The following MAST2 variants were observed in gnomAD, a reference collection of about 807,000 sequenced individuals.
MAST2 encodes the protein microtubule associated serine/threonine kinase 2.
A neutral mutation model predicts 147.4 loss-of-function variants in MAST2; 70 were observed. The observed-to-expected ratio is 0.47, with a 90% CI of 0.39 to 0.58. The LOEUF (loss-of-function observed/expected upper bound fraction) is 0.58. Among genes scored for constraint, MAST2 ranks in the 20% least tolerant of loss-of-function variants. MAST2 has a pLI of 0.00. For missense variants in MAST2, 2,080 were observed against 2,302.3 expected (o/e 0.90, Z 1.98); for synonymous variants, 869 against 896.8 (o/e 0.97, Z 0.55).
chr1:45,837,637 C>T (rs1645142221), intron 3 of MAST2, among the ~76,000 whole-genome samples: 1 of 152,042 alleles, frequency 6.6e-6, no homozygotes, highest in African/African-American at 2.4e-5. Flanking sequence ...CGGGTAAATA[C>T]CTAGGAATGA....
chr1:45,815,063 G>A (rs953283061), intron 1 of MAST2, among the ~76,000 whole-genome samples: 12 of 152,174 alleles, frequency 7.9e-5, no homozygotes, highest in Non-Finnish European at 1.8e-4. Flanking sequence ...TTCCTTAAGA[G>A]TGAACCTGAG....
chr1:45,911,301 C>T (rs1276969900), intron 4 of MAST2, among the ~76,000 whole-genome samples: 2 of 152,090 alleles, frequency 1.3e-5, no homozygotes, highest in Non-Finnish European at 2.9e-5. Context: ...GTAATATCTT[C>T]TTTGGTCAGA....
At chr1:45,858,720 T>C (rs1391398617) in intron 3 of MAST2, among the ~76,000 whole-genome samples, 5 of 149,904 alleles carry the variant, frequency 3.3e-5, no homozygotes, top group Non-Finnish European at 5.9e-5. Context: ...TTGCCTAGGT[T>C]TTCTTCTAGG....
chr1:45,994,845 T>TG (rs1644992954), intron 5 of MAST2, among the ~76,000 whole-genome samples: 3 of 151,642 alleles, frequency 2.0e-5, no homozygotes, highest in Non-Finnish European at 1.5e-5. Flanking sequence ...CCATAATTTT[T>TG]TTTTTTTTTT....
intron 4 of MAST2, among the ~76,000 whole-genome samples, chr1:45,912,888 T>G (rs1299326864): frequency 6.6e-6 from 1 of 152,234 alleles, no homozygotes; most frequent in Non-Finnish European, 1.5e-5. Context: ...GGCACTTTGC[T>G]GTTTACATGT....
intron 3 of MAST2, among the ~76,000 whole-genome samples, chr1:45,873,758 C>T (rs1004789837): frequency 6.6e-6 from 1 of 152,134 alleles, no homozygotes; most frequent in African/African-American, 2.4e-5. Context: ...TATCATCAAG[C>T]TGTTCATCAA....
chr1:46,002,962 G>C, intron 7 of MAST2, 79 bp downstream of exon 7: 1 of 1,403,988 alleles, frequency 7.1e-7, no homozygotes, highest in Non-Finnish European at 1.0e-6. Flanking sequence ...GTCACAAAAT[G>C]GTTCTCAACT....
At chr1:45,970,650 A>G (rs2148986293) in intron 5 of MAST2, among the ~76,000 whole-genome samples, 1 of 142,488 alleles carries the variant, frequency 7.0e-6, no homozygotes, top group South Asian at 2.4e-4. Flanking sequence ...CCTGGGCAAC[A>G]GAGGAAGACT....
intron 3 of MAST2, among the ~76,000 whole-genome samples, chr1:45,847,777 C>T (rs929402745): frequency 2.0e-5 from 3 of 152,032 alleles, no homozygotes; most frequent in African/African-American, 7.3e-5. Flanking sequence ...TGGTCTCGAA[C>T]TCCTGGGTTC....
At chr1:45,879,425 T>C (rs1646744715) in intron 3 of MAST2, among the ~76,000 whole-genome samples, 1 of 151,840 alleles carries the variant, frequency 6.6e-6, no homozygotes, top group Non-Finnish European at 1.5e-5. Flanking sequence ...ATATAAAAAT[T>C]AGCTGGGCAT....
chr1:45,917,218 G>A (rs1352170524), intron 4 of MAST2: 2 of 462,792 alleles, frequency 4.3e-6, no homozygotes, highest in Non-Finnish European at 7.2e-6. Flanking sequence ...ATTGGAGAAT[G>A]ATTTTTGACC....
In MAST2 at chr1:45,824,584, A is replaced by G; in HGVS notation, c.325+4A>G. On this transcript the variant is annotated splice_donor_region_variant and intron_variant, in intron 2 of 28. Transcript: ENST00000361297. ...AACCTGGCCAGCTCTCTATCGGGTAAATATCTGATTTTGTTGTTTTAAGAA... is the reference window on the plus strand; with the variant it reads ...AACCTGGCCAGCTCTCTATCGGGTAGATATCTGATTTTGTTGTTTTAAGAA... The G allele has an allele frequency of 1.3e-6, 2 of 1,576,306 alleles. No individual in the cohort carries two copies. The highest frequency in any genetic ancestry group is 1.7e-6 in the Non-Finnish European group (2 of 1,157,468).
Position 46,031,435 on chromosome 1 carries a change from G to A in MAST2, c.3037G>A (p.Ala1013Thr). ...GRGTSQLAEG[A>T]TAKAISDLAV... is the part of the protein sequence containing the mutation. ...TGGGACCTCACAGCTGGCTGAGGGA[G>A]CCACAGCCAAGGCCATCAGTGACCT... is the stretch of plus-strand genomic sequence containing the variant. The change falls in exon 24 of 29, where the codon GCC becomes ACC. Residue 1013 changes from alanine to threonine, a missense_variant. Ala to Thr is a moderately conservative substitution (Grantham distance 58). Coordinates refer to ENST00000361297, the MANE Select transcript of MAST2 (RefSeq NM_015112.3). This position sits in a 1 kb window ranked among gnomAD's most constrained non-coding sequence, Gnocchi z 4.1. The A allele has an allele frequency of 6.2e-7, 1 of 1,613,956 alleles. No individual in the cohort carries two copies. The highest frequency in any genetic ancestry group is 1.1e-5 in the South Asian group (1 of 91,076).
At chr1:46,022,496 G>C (rs1353666536) in intron 12 of MAST2, among the ~76,000 whole-genome samples, 2 of 152,158 alleles carry the variant, frequency 1.3e-5, no homozygotes, top group African/African-American at 4.8e-5. Flanking sequence ...TGGGCTTCCT[G>C]CTGAACCCCT....
chr1:45,868,876 A>G (rs988232216), intron 3 of MAST2, among the ~76,000 whole-genome samples: 2 of 152,216 alleles, frequency 1.3e-5, no homozygotes, highest in African/African-American at 4.8e-5. Context: ...CTGTTGTTCT[A>G]CATTTCCTTG....
chr1:45,956,976 G>T (rs111427301), intron 4 of MAST2, among the ~76,000 whole-genome samples: 2 of 152,206 alleles, frequency 1.3e-5, no homozygotes, highest in Non-Finnish European at 2.9e-5. Flanking sequence ...TCGAATTTAT[G>T]TGGGATGATT....
At chr1:45,987,653 G>T (rs1162125896) in intron 5 of MAST2, among the ~76,000 whole-genome samples, 8 of 149,876 alleles carry the variant, frequency 5.3e-5, no homozygotes, top group Non-Finnish European at 1.0e-4. Flanking sequence ...TTTTCCAGTG[G>T]TTTTTTTATT....
chr1:46,007,790 A>G (rs995639830), intron 8 of MAST2, among the ~76,000 whole-genome samples: 2 of 152,218 alleles, frequency 1.3e-5, no homozygotes, highest in African/African-American at 2.4e-5. Context: ...AATCACCCAG[A>G]TGTATAACTC....
Position 46,034,168 on chromosome 1 carries a change from CAG to C in MAST2, c.3771_3772del (p.Ser1260TrpfsTer149), listed in dbSNP as rs1238702897. The C allele has an allele frequency of 2.5e-6, 4 of 1,614,032 alleles. No individual in the cohort carries two copies. On this transcript the variant is annotated frameshift_variant, in exon 28 of 29. Transcript: ENST00000361297. LOFTEE classifies it high-confidence loss of function. ...TCTTCCCTTAACCGCTCCTTGTCAT[CAG>C]GGGAGAGTGGGCCAGGCTCTCCCAC...
Sources: gnomAD v4.1 joint callset for allele counts (sites outside exome capture counted in the v4.1 genomes callset) on GRCh38, gnomAD v4.1.1 for gene constraint, Gnocchi (gnomAD v3.1) non-coding constraint, MANE v1.5 for transcripts, NCBI Gene and HGNC (gene_info 2026-07-23, HGNC 2026-07-21) for gene names.